The following PTPRF variants were observed in gnomAD, a reference collection of about 807,000 sequenced individuals.
The protein encoded by PTPRF is receptor-type tyrosine-protein phosphatase F.
PTPRF carries 59 observed loss-of-function variants against 201.8 expected under a neutral mutation model. The ratio of observed to expected loss-of-function variants is 0.29; its 90% confidence interval spans 0.24 to 0.36. PTPRF has a LOEUF of 0.36. PTPRF is among the 10% of genes least tolerant of loss of function. The pLI is 1.00. For missense variants in PTPRF, 2,132 were observed against 2,690.5 expected (o/e 0.79, Z 4.59); for synonymous variants, 1,088 against 1,089.7 (o/e 1.00, Z 0.03).
intron 13 of PTPRF, among the ~76,000 whole-genome samples, chr1:43,600,172 G>A (rs1653398134): frequency 6.6e-6 from 1 of 152,156 alleles, no homozygotes; most frequent in Non-Finnish European, 1.5e-5. Flanking sequence ...TGCATTCCTG[G>A]GGCAGGTTGA....
chr1:43,524,299 A>G (rs966618941), upstream of PTPRF, among the ~76,000 whole-genome samples: 23 of 152,148 alleles, frequency 1.5e-4, no homozygotes, highest in African/African-American at 5.6e-4. Context: ...CTCAGAATTC[A>G]CCACTCTATA....
intron 25 of PTPRF, 75 bp from the exon 26 acceptor site, chr1:43,618,555 G>A: frequency 1.3e-6 from 2 of 1,535,606 alleles, no homozygotes; most frequent in Non-Finnish European, 1.8e-6. Flanking sequence ...CCAGGGAGTT[G>A]ACCAGCCTCC....
chr1:43,592,650 C>T, intron 11 of PTPRF, 49 bp downstream of exon 11: 1 of 1,529,024 alleles, frequency 6.5e-7, no homozygotes, highest in Non-Finnish European at 8.8e-7. Context: ...CTGGGACACA[C>T]ACACACACAT....
chr1:43,555,726 G>A (rs1645322280), intron 5 of PTPRF, among the ~76,000 whole-genome samples: 2 of 152,208 alleles, frequency 1.3e-5, no homozygotes, highest in South Asian at 2.1e-4. Flanking sequence ...TTACAGGCGT[G>A]AGCCACCACG....
chr1:43,619,988 C>T (rs1658799950), intron 29 of PTPRF, 107 bp from the exon 30 acceptor site: 4 of 1,568,966 alleles, frequency 2.5e-6, no homozygotes, highest in East Asian at 2.2e-5. Flanking sequence ...GTGAGGACTT[C>T]CTGGAGGAGG....
At chr1:43,539,083 C>T (rs1644203625) in intron 2 of PTPRF, among the ~76,000 whole-genome samples, 1 of 152,140 alleles carries the variant, frequency 6.6e-6, no homozygotes, top group Non-Finnish European at 1.5e-5. Context: ...AACAAAAGTG[C>T]AGATTTGCAT....
chr1:43,565,649 A>G (rs1191935790), intron 5 of PTPRF, among the ~76,000 whole-genome samples: 2 of 152,216 alleles, frequency 1.3e-5, no homozygotes, highest in East Asian at 3.9e-4. Context: ...GCTGAGGCTG[A>G]GGAGGCAGAT....
chr1:43,599,013 C>T (rs1653083928), intron 13 of PTPRF, 100 bp downstream of exon 13: 2 of 1,288,334 alleles, frequency 1.6e-6, no homozygotes, highest in South Asian at 1.4e-5. Flanking sequence ...CCTGCCTGCC[C>T]TCAGCAGTGC....
chr1:43,536,896 G>A lies in PTPRF; in HGVS notation c.-125-1302G>A, dbSNP rs538386220. Among the ~76,000 whole-genome samples, 5 of 152,326 alleles carry A rather than the reference G, an allele frequency of 3.3e-5. No individual in the cohort carries two copies. The East Asian group carries it at 9.6e-4, about 29-fold the overall frequency. Reference sequence around the variant, plus strand: ...AGTCGGTGAGAGTACCCCCATATTGGCAGAGGTGGTTAGTGCAACTTGAGG... The same window carrying A: ...AGTCGGTGAGAGTACCCCCATATTGACAGAGGTGGTTAGTGCAACTTGAGG... On this transcript the variant is annotated intron_variant, in intron 1 of 33. Coordinates refer to ENST00000359947, the MANE Select transcript of PTPRF (RefSeq NM_002840.5).
chr1:43,602,626 G>C (rs1407195182), intron 14 of PTPRF, among the ~76,000 whole-genome samples: 5 of 149,428 alleles, frequency 3.3e-5, no homozygotes, highest in South Asian at 2.1e-4. Context: ...ACTGCACGGT[G>C]GTCCCTGCCC....
In PTPRF at chr1:43,606,974, C is replaced by CA; in HGVS notation, c.3857+7dup. On this transcript the variant is annotated splice_region_variant and intron_variant, in intron 21 of 33. Transcript: ENST00000359947. ...GCCATCCTCTTGTTCAAAAGGTGAG[C>CA]ACTGCCCTCAGAGCTCCGGGAACGG... is the stretch of plus-strand genomic sequence containing the variant. The CA allele has an allele frequency of 6.2e-7, 1 of 1,613,490 alleles. No homozygotes were observed. The highest frequency in any genetic ancestry group is 1.7e-5 in the Admixed American group (1 of 60,012).
intron 5 of PTPRF, among the ~76,000 whole-genome samples, chr1:43,556,114 A>G (rs1047034820): frequency 5.3e-5 from 8 of 152,380 alleles, no homozygotes; most frequent in African/African-American, 1.7e-4. Flanking sequence ...AAAAAATGGC[A>G]TCTCAATTTA....
chr1:43,596,629 G>T (rs1188863349), intron 11 of PTPRF, among the ~76,000 whole-genome samples: 1 of 152,162 alleles, frequency 6.6e-6, no homozygotes, highest in African/African-American at 2.4e-5. Flanking sequence ...TGTGGCACTG[G>T]CAAAGAGACT....
rs113024100 is a variant in PTPRF at position 43,542,990 on chromosome 1, G to T, written c.-45-2041G>T. 0.058 allele frequency among the ~76,000 whole-genome samples: 8,803 copies of T among 152,208 alleles called. 365 individuals are homozygous for T. The highest frequency in any genetic ancestry group is 0.12 in the Middle Eastern group (34 of 294). On this transcript the variant is annotated intron_variant, in intron 2 of 33. Coordinates refer to ENST00000359947, the MANE Select transcript of PTPRF (RefSeq NM_002840.5). The surrounding 1 kb of genome is among the most constrained non-coding windows in gnomAD (Gnocchi z 5.2). ...ATGCTTGGAATGCTTGTTCCTGGAA[G>T]TTAACCTCTGTGACTATTATATTGT...
chr1:43,573,334 C>T (rs1646699299), intron 6 of PTPRF, among the ~76,000 whole-genome samples: 1 of 152,196 alleles, frequency 6.6e-6, no homozygotes, highest in Non-Finnish European at 1.5e-5. Flanking sequence ...CTGCTGTGGC[C>T]TGAACATATG....
Position 43,620,237 on chromosome 1 carries a change from C to T in PTPRF, c.5238+16C>T. On this transcript the variant is annotated intron_variant, in intron 30 of 33. Coordinates refer to ENST00000359947, the MANE Select transcript of PTPRF (RefSeq NM_002840.5). ...GATGGGCAGGGTGAGCCCACCCTTTCCCCCAGGGCCCCTGTCATACCTGGG... is the reference window on the plus strand; with the variant it reads ...GATGGGCAGGGTGAGCCCACCCTTTTCCCCAGGGCCCCTGTCATACCTGGG... 6.2e-7 allele frequency: 1 copy of T among 1,613,016 alleles called. No homozygotes were observed. The highest frequency in any genetic ancestry group is 8.5e-7 in the Non-Finnish European group (1 of 1,179,358).
At chr1:43,569,127 A>G (rs377217644) in intron 5 of PTPRF, among the ~76,000 whole-genome samples, 37 of 152,248 alleles carry the variant, frequency 2.4e-4, no homozygotes, top group African/African-American at 8.4e-4. Context: ...TGAAGGGAAC[A>G]CTGTGTGTGC....
Position 43,602,123 on chromosome 1 carries a change from A to G in PTPRF, c.2340+26A>G, listed in dbSNP as rs371186473. 50 of 1,609,080 alleles carry G rather than the reference A, an allele frequency of 3.1e-5. No individual in the cohort carries two copies. In the African/African-American group the frequency reaches 6.2e-4, roughly 20 times the overall value. On this transcript the variant is annotated intron_variant, in intron 14 of 33. Coordinates refer to ENST00000359947, the MANE Select transcript of PTPRF (RefSeq NM_002840.5). ...GTAAGTAACAGGTGTGCGAACGCGG[A>G]CAAGACATGGGTCAAGCTGGGCTCG...
chr1:43,546,835 C>T lies in PTPRF; in HGVS notation c.91+1669C>T, dbSNP rs931742536. On this transcript the variant is annotated intron_variant, in intron 3 of 33. Coordinates refer to ENST00000359947, the MANE Select transcript of PTPRF (RefSeq NM_002840.5). The surrounding 1 kb of genome is among the most constrained non-coding windows in gnomAD (Gnocchi z 4.2). ...TGGGCCTCCTCCAGCCTCCTCCCTC[C>T]GTGATATCCCACATCTAATCCATCA... is the stretch of plus-strand genomic sequence containing the variant. Among the ~76,000 whole-genome samples, 3 of 152,188 alleles carry T rather than the reference C, an allele frequency of 2.0e-5. No individual in the cohort carries two copies. Among genetic ancestry groups the T allele is most frequent in the African/African-American group, 7.2e-5 (3 of 41,460 alleles).
Sources: gnomAD v4.1 joint callset for allele counts (sites outside exome capture counted in the v4.1 genomes callset) on GRCh38, gnomAD v4.1.1 for gene constraint, Gnocchi (gnomAD v3.1) non-coding constraint, MANE v1.5 for transcripts, NCBI Gene and HGNC (gene_info 2026-07-23, HGNC 2026-07-21) for gene names.